GRM5: variants seen among roughly 807,000 people sequenced by gnomAD.
GRM5 encodes the protein metabotropic glutamate receptor 5.
Under a neutral mutation model 83.1 loss-of-function variants are expected in GRM5, and 19 were observed. The observed-to-expected ratio is 0.23, with a 90% CI of 0.16 to 0.34. The LOEUF is 0.34. Ranked by LOEUF, GRM5 falls within the 10% of genes least tolerant of loss-of-function variation. GRM5 has a pLI of 1.00. For synonymous variants in GRM5, 675 were observed against 633.6 expected, an observed-to-expected ratio of 1.07 and a Z score of -0.98; for missense variants, 1,160 against 1,588.3, an observed-to-expected ratio of 0.73 and a Z score of 4.58.
At chr11:88,624,628 G>A (rs1382469778) in intron 4 of GRM5, among the ~76,000 whole-genome samples, 1 of 152,134 alleles carries the variant, frequency 6.6e-6, no homozygotes, top group East Asian at 1.9e-4. Flanking sequence ...GTTGCAGTGA[G>A]CTATGATGGC....
At chr11:88,624,705 C>G (rs114210581) in intron 4 of GRM5, among the ~76,000 whole-genome samples, 1,637 of 152,248 alleles carry the variant, frequency 0.011, 31 homozygotes, top group African/African-American at 0.036. Flanking sequence ...TTTAAAAATT[C>G]AGGCATCAAG....
At chr11:88,651,104 T>C (rs937091236) in intron 4 of GRM5, among the ~76,000 whole-genome samples, 2 of 151,884 alleles carry the variant, frequency 1.3e-5, no homozygotes, top group Non-Finnish European at 2.9e-5. Flanking sequence ...ACATGAGAGA[T>C]AGAGAGCTAC....
intron 8 of GRM5, among the ~76,000 whole-genome samples, chr11:88,550,888 AAC>A: frequency 6.6e-6 from 1 of 152,182 alleles, no homozygotes; most frequent in South Asian, 2.1e-4. Flanking sequence ...TCTAGAGACA[AAC>A]TGCTTAGATT....
chr11:88,953,953 AC>A (rs1159883991), intron 2 of GRM5, among the ~76,000 whole-genome samples: 4 of 152,190 alleles, frequency 2.6e-5, no homozygotes, highest in African/African-American at 4.8e-5. Flanking sequence ...TTCTGTAAAC[AC>A]CACTGAAAGA....
At chr11:88,733,763 A>G (rs1027874893) in intron 3 of GRM5, among the ~76,000 whole-genome samples, 18 of 152,190 alleles carry the variant, frequency 1.2e-4, no homozygotes, top group African/African-American at 3.8e-4. Context: ...GAGAACGTGT[A>G]AATTTTATTC....
chr11:88,987,015 C>T (rs560023415), intron 2 of GRM5, among the ~76,000 whole-genome samples: 99 of 151,926 alleles, frequency 6.5e-4, no homozygotes, highest in African/African-American at 2.2e-3. Flanking sequence ...GCCAAGATGG[C>T]CGAATAGGAA....
At chr11:88,824,695 T>C (rs907834885) in intron 3 of GRM5, among the ~76,000 whole-genome samples, 1 of 152,040 alleles carries the variant, frequency 6.6e-6, no homozygotes, top group African/African-American at 2.4e-5. Flanking sequence ...TCAAGTAGAA[T>C]GCTCACTTGC....
At chr11:88,944,964 T>C (rs934659028) in intron 2 of GRM5, among the ~76,000 whole-genome samples, 9 of 151,910 alleles carry the variant, frequency 5.9e-5, no homozygotes, top group African/African-American at 2.2e-4. Context: ...TAGAAAACCA[T>C]AAAGACTCCA....
At chr11:88,687,741 C>T (rs1448075412) in intron 3 of GRM5, among the ~76,000 whole-genome samples, 1 of 148,098 alleles carries the variant, frequency 6.8e-6, no homozygotes, top group African/African-American at 2.5e-5. Context: ...TACAAAACCT[C>T]TGTCAGCAAC....
chr11:88,526,192 C>T (rs565253505), intron 8 of GRM5, among the ~76,000 whole-genome samples: 43 of 152,204 alleles, frequency 2.8e-4, no homozygotes, highest in Admixed American at 1.7e-3. Context: ...CAGTTCACCG[C>T]GCTTTGAAGA....
Position 88,509,140 on chromosome 11 carries a change from A to C in GRM5, c.3091T>G (p.Ser1031Ala). The C allele has an allele frequency of 1.3e-6, 2 of 1,541,048 alleles. No homozygotes were observed. Among genetic ancestry groups the C allele is most frequent in the Non-Finnish European group, 1.7e-6 (2 of 1,144,414 alleles). ...PISTLSHRAG[S>A]ASRTDDDVPS... ...ACATCGTCGTCCGTGCGGCTGGCCGAGCCCGCGCGGTGGCTCAGCGTGCTG... is the reference window on the plus strand; with the variant it reads ...ACATCGTCGTCCGTGCGGCTGGCCGCGCCCGCGCGGTGGCTCAGCGTGCTG... Residue 1031 changes from serine (S) to alanine (A), a missense_variant, in exon 10 of 10, where the codon TCG becomes GCG. Ser to Ala is a moderately conservative substitution (Grantham distance 99). Transcript: ENST00000305447.
At chr11:88,991,179 A>G (rs1008356235) in intron 2 of GRM5, among the ~76,000 whole-genome samples, 1 of 152,172 alleles carries the variant, frequency 6.6e-6, no homozygotes, top group Non-Finnish European at 1.5e-5. Context: ...AGGATACAAA[A>G]TCAATGTACA....
intron 4 of GRM5, 42 bp downstream of exon 4, chr11:88,653,126 C>A (rs1367499208): frequency 8.1e-7 from 1 of 1,232,050 alleles, no homozygotes; most frequent in Non-Finnish European, 1.2e-6. Context: ...AAATTGGAAC[C>A]TTAGCCTTAT....
chr11:88,573,534 G>T (rs966514561), intron 7 of GRM5, among the ~76,000 whole-genome samples: 1 of 152,148 alleles, frequency 6.6e-6, no homozygotes, highest in Non-Finnish European at 1.5e-5. Context: ...AAAGGAAGTT[G>T]CTGTTTAGAA....
Position 88,912,481 on chromosome 11 carries a change from A to T in GRM5, c.662-62326T>A, listed in dbSNP as rs573842633. ...TTGCTCTCTCTTTCTCTGCATTGTC[A>T]CACTTTTGCCATGGAGATCATTATA... is the stretch of plus-strand genomic sequence containing the variant. On this transcript the variant is annotated intron_variant, in intron 2 of 9. Transcript: ENST00000305447. 2.2e-5 allele frequency among the ~76,000 whole-genome samples: 3 copies of T among 134,310 alleles called. No homozygotes were observed. The East Asian group carries it at 6.8e-4, about 30-fold the overall frequency. The allele number at this position is 134,310 out of a possible 152,430, so 88.1% of individuals were successfully genotyped here. A position where few individuals can be genotyped will look rare whatever the true frequency, so the allele number is the denominator to read the frequency against.
At chr11:88,994,842 A>G (rs1940126593) in intron 2 of GRM5, among the ~76,000 whole-genome samples, 1 of 152,016 alleles carries the variant, frequency 6.6e-6, no homozygotes, top group East Asian at 1.9e-4. Flanking sequence ...GTTACTGTAC[A>G]TTATGGTTTT....
intron 2 of GRM5, among the ~76,000 whole-genome samples, chr11:89,025,676 T>C (rs1261290750): frequency 6.6e-6 from 1 of 152,122 alleles, no homozygotes; most frequent in East Asian, 1.9e-4. Flanking sequence ...GGAAAAGAAA[T>C]GGATGGTGAA....
At chr11:88,820,030 G>T (rs550477329) in intron 3 of GRM5, among the ~76,000 whole-genome samples, 75 of 152,108 alleles carry the variant, frequency 4.9e-4, no homozygotes, top group African/African-American at 1.6e-3. Context: ...CAACACTGTT[G>T]TACTGGGGAT....
chr11:88,920,136 A>G (rs1945663250), intron 2 of GRM5, among the ~76,000 whole-genome samples: 1 of 152,070 alleles, frequency 6.6e-6, no homozygotes, highest in Non-Finnish European at 1.5e-5. Context: ...GGATAAAAAA[A>G]TCAACAAACC....
Sources: gnomAD v4.1 joint callset for allele counts (sites outside exome capture counted in the v4.1 genomes callset) on GRCh38, gnomAD v4.1.1 for gene constraint, MANE v1.5 for transcripts, NCBI Gene and HGNC (gene_info 2026-07-23, HGNC 2026-07-21) for gene names.